ADGRG4: variants seen among roughly 807,000 people sequenced by gnomAD.
ADGRG4 encodes the protein G protein-coupled receptor 112.
In ADGRG4, 122 loss-of-function variants were observed where a neutral mutation model predicts 126.2. The ratio of observed to expected loss-of-function variants is 0.97; its 90% confidence interval spans 0.83 to 1.12. ADGRG4 has a LOEUF of 1.12. Among genes scored for constraint, ADGRG4 ranks in the 50% most tolerant of loss-of-function variants. The pLI is 0.00. For synonymous variants in ADGRG4, 943 were observed against 838.7 expected (o/e 1.12, Z -2.15); for missense variants, 2,481 against 2,251.8 (o/e 1.10, Z -2.06).
intron 4 of ADGRG4, among the ~76,000 whole-genome samples, chrX:136,322,088 A>G (rs759968553): frequency 1.1e-4 from 12 of 111,643 alleles, no homozygotes; most frequent in Non-Finnish European, 2.1e-4. Context: ...GCCAATGGTA[A>G]CTGGGGTCTA....
At chrX:136,358,236 G>A (rs1328330786) in intron 10 of ADGRG4, among the ~76,000 whole-genome samples, 2 of 110,643 alleles carry the variant, frequency 1.8e-5, no homozygotes, top group Admixed American at 9.7e-5. Context: ...AGGGTCTGTC[G>A]CAAGCAGGAG....
At chrX:136,308,468 G>A (rs1214342039) in intron 3 of ADGRG4, among the ~76,000 whole-genome samples, 1 of 112,056 alleles carries the variant, frequency 8.9e-6, no homozygotes, top group Non-Finnish European at 1.9e-5. Context: ...ACTGTCCTAT[G>A]ATGGCAGAGA....
At chrX:136,416,147 A>G (rs1016809578) in intron 25 of ADGRG4, among the ~76,000 whole-genome samples, 2 of 112,061 alleles carry the variant, frequency 1.8e-5, no homozygotes, top group African/African-American at 6.5e-5. Flanking sequence ...ATTTTATGTC[A>G]TCTTCTCTTG....
Position 136,345,549 on chromosome X carries a change from G to T in ADGRG4, c.1843G>T (p.Ala615Ser). The T allele has an allele frequency of 8.3e-7, 1 of 1,210,034 alleles. No individual in the cohort carries two copies. The highest frequency in any genetic ancestry group is 1.1e-6 in the Non-Finnish European group (1 of 894,415). The change falls in exon 6 of 26, where the codon GCT becomes TCT. Residue 615 changes from alanine to serine, a missense_variant. Ala to Ser is a moderately conservative substitution (Grantham distance 99). Transcript: ENST00000394143. ...GRVYTQNTPT[A>S]DGHLLTLMST... ...AGTTTACACCCAGAATACACCTACA[G>T]CTGATGGACACTTGCTTACTTTGAT...
chrX:136,328,639 T>G (rs2074889828), intron 5 of ADGRG4, among the ~76,000 whole-genome samples: 1 of 112,274 alleles, frequency 8.9e-6, no homozygotes. Context: ...TTAATTGGTC[T>G]AATGCTCCAG....
chrX:136,350,071 A>T lies in ADGRG4; in HGVS notation c.6365A>T (p.His2122Leu). The change falls in exon 6 of 26, where the codon CAT (histidine) becomes CTT (leucine). Residue 2122 changes from histidine to leucine, a missense_variant. By Grantham distance (99) the His-to-Leu change is moderately conservative. Transcript: ENST00000394143. ...TITANPRTVSHPSSFSRKTMS... is the reference protein window; with the variant it reads ...TITANPRTVSLPSSFSRKTMS... The stretch of plus-strand genomic sequence containing the variant: ...ACTGCCAACCCCAGGACTGTGTCTC[A>T]TCCTTCATCCTTCAGCAGAAAGACT... 8.3e-7 allele frequency: 1 copy of T among 1,209,848 alleles called. No homozygotes were observed. Among genetic ancestry groups the T allele is most frequent in the Non-Finnish European group, 1.1e-6 (1 of 894,359 alleles).
intron 15 of ADGRG4, 131 bp from the exon 16 acceptor site, chrX:136,387,609 G>T: frequency 1.9e-6 from 1 of 527,196 alleles, no homozygotes; most frequent in Non-Finnish European, 3.2e-6. Context: ...GTGTATCATC[G>T]CTTATGGAGC....
At chrX:136,324,478 G>T (rs1157975758) in intron 5 of ADGRG4, among the ~76,000 whole-genome samples, 1 of 110,917 alleles carries the variant, frequency 9.0e-6, no homozygotes, top group Non-Finnish European at 1.9e-5. Flanking sequence ...CATGATCATA[G>T]CTCACTGTAA....
intron 16 of ADGRG4, among the ~76,000 whole-genome samples, chrX:136,391,438 T>G (rs1209008812): frequency 8.9e-6 from 1 of 111,927 alleles, no homozygotes; most frequent in Non-Finnish European, 1.9e-5. Flanking sequence ...AAGAGATACA[T>G]TCTAGTTTGT....
intron 23 of ADGRG4, among the ~76,000 whole-genome samples, chrX:136,407,396 C>T (rs967585828): frequency 2.7e-5 from 3 of 110,545 alleles, no homozygotes; most frequent in African/African-American, 9.9e-5. Flanking sequence ...ACCTCTGAAC[C>T]TTTTATTGTG....
chrX:136,349,230 A>C lies in ADGRG4; in HGVS notation c.5524A>C (p.Ser1842Arg), dbSNP rs1381079699. Residue 1842 changes from serine to arginine, a missense_variant, in exon 6 of 26, where the codon AGT becomes CGT. Ser to Arg is a moderately radical substitution (Grantham distance 110, BLOSUM62 -1). Coordinates refer to ENST00000394143, the MANE Select transcript of ADGRG4 (RefSeq NM_153834.4). ...GACATCATTTGTTTATTCACCTCAT[A>C]GTACTGAAGCTGAGATCTCTACTCC... is the stretch of plus-strand genomic sequence containing the variant. Reference protein sequence around the residue: ...SLTSFVYSPHSTEAEISTPKT... With the variant: ...SLTSFVYSPHRTEAEISTPKT... 1 of 1,203,119 alleles carries C rather than the reference A, an allele frequency of 8.3e-7. No homozygotes were observed. Among genetic ancestry groups the C allele is most frequent in the Non-Finnish European group, 1.1e-6 (1 of 889,915 alleles).
chrX:136,377,842 G>T (rs868140652), intron 15 of ADGRG4, among the ~76,000 whole-genome samples: 3 of 96,349 alleles, frequency 3.1e-5, no homozygotes, highest in Admixed American at 1.1e-4. Flanking sequence ...TTCCTATACT[G>T]TTTTTTTTTT....
At chrX:136,406,625 AG>A (rs1382944343) in intron 23 of ADGRG4, among the ~76,000 whole-genome samples, 2 of 112,415 alleles carry the variant, frequency 1.8e-5, no homozygotes, top group Non-Finnish European at 3.8e-5. Flanking sequence ...GAGAAGTAAA[AG>A]CTAGGGGCCG....
At chrX:136,314,417 T>C (rs1037050561) in intron 4 of ADGRG4, among the ~76,000 whole-genome samples, 1 of 111,938 alleles carries the variant, frequency 8.9e-6, no homozygotes, top group Non-Finnish European at 1.9e-5. Context: ...TTTCTCCCTC[T>C]GCTCCAGACA....
At chrX:136,302,375 C>T (rs1172928540) in intron 1 of ADGRG4, among the ~76,000 whole-genome samples, 3 of 111,031 alleles carry the variant, frequency 2.7e-5, no homozygotes, top group South Asian at 3.8e-4. Context: ...CATAATTTGG[C>T]CTGAAGTCTC....
intron 13 of ADGRG4, among the ~76,000 whole-genome samples, chrX:136,369,037 T>A (rs958537368): frequency 1.8e-5 from 2 of 111,850 alleles, no homozygotes; most frequent in Non-Finnish European, 3.8e-5. Context: ...ATCAATTGCC[T>A]GCCATGTGAG....
chrX:136,338,871 C>G (rs1377718874), intron 5 of ADGRG4, among the ~76,000 whole-genome samples: 2 of 112,146 alleles, frequency 1.8e-5, no homozygotes, highest in African/African-American at 6.5e-5. Context: ...GCTTAGCACA[C>G]AGGTCTTGGT....
Position 136,347,245 on chromosome X carries a change from C to A in ADGRG4, c.3539C>A (p.Thr1180Asn). Reference protein sequence around the residue: ...ATQPISQVEETSTYALSFPYT... With the variant: ...ATQPISQVEENSTYALSFPYT... ...CAACCAATATCTCAAGTAGAGGAGA[C>A]TTCTACCTATGCTCTCAGCTTCCCA... Residue 1180 changes from threonine (T) to asparagine (N), a missense_variant, in exon 6 of 26, where the codon ACT (threonine) becomes AAT (asparagine). Physicochemically the swap from Thr to Asn is moderately conservative, Grantham distance 65. Coordinates refer to ENST00000394143, the MANE Select transcript of ADGRG4 (RefSeq NM_153834.4). The A allele has an allele frequency of 8.3e-7, 1 of 1,211,211 alleles. No homozygotes were observed. The highest frequency in any genetic ancestry group is 1.1e-6 in the Non-Finnish European group (1 of 895,013).
At chrX:136,364,341 T>C (rs1204559072) in intron 13 of ADGRG4, among the ~76,000 whole-genome samples, 1 of 111,552 alleles carries the variant, frequency 9.0e-6, no homozygotes, top group South Asian at 3.8e-4. Context: ...TATACACACA[T>C]ATACTTGCCC....
Sources: gnomAD v4.1 joint callset for allele counts (sites outside exome capture counted in the v4.1 genomes callset) on GRCh38, gnomAD v4.1.1 for gene constraint, MANE v1.5 for transcripts, NCBI Gene and HGNC (gene_info 2026-07-23, HGNC 2026-07-21) for gene names.